Variants in PACRG observed in about 807,000 individuals in gnomAD.
PACRG encodes the protein parkin coregulated.
PACRG carries 29 observed loss-of-function variants against 29.7 expected under a neutral mutation model. The ratio of observed to expected loss-of-function variants is 0.98; its 90% CI spans 0.73 to 1.33. The LOEUF is 1.33. PACRG is among the 40% of genes most tolerant of loss of function. PACRG has a pLI of 0.00. For synonymous variants in PACRG, 116 were observed against 118.7 expected, an observed-to-expected ratio of 0.98 and a Z score of 0.15; for missense variants, 279 against 316.2, an observed-to-expected ratio of 0.88 and a Z score of 0.89.
intron 4 of PACRG, among the ~76,000 whole-genome samples, chr6:163,270,848 A>G (rs1012455059): frequency 5.3e-5 from 8 of 152,322 alleles, no homozygotes; most frequent in African/African-American, 1.9e-4. Flanking sequence ...ATCTTCTCCA[A>G]TAGAAAATGG....
chr6:163,141,212 A>G (rs1170638276), intron 4 of PACRG, among the ~76,000 whole-genome samples: 1 of 152,172 alleles, frequency 6.6e-6, no homozygotes, highest in Non-Finnish European at 1.5e-5. Context: ...TTTTACACAC[A>G]GTTAAGATAT....
chr6:162,872,516 A>G (rs1425559725), intron 2 of PACRG, among the ~76,000 whole-genome samples: 1 of 152,150 alleles, frequency 6.6e-6, no homozygotes, highest in Admixed American at 6.5e-5. Context: ...TCATTTCCAG[A>G]TTTTTCTTTC....
intron 4 of PACRG, among the ~76,000 whole-genome samples, chr6:163,159,766 A>G (rs1329806518): frequency 6.6e-6 from 1 of 152,104 alleles, no homozygotes; most frequent in Non-Finnish European, 1.5e-5. Flanking sequence ...CTAAAGGAAT[A>G]CCTCCCACAA....
At chr6:163,084,952 G>A (rs942536148) in intron 3 of PACRG, among the ~76,000 whole-genome samples, 4 of 149,450 alleles carry the variant, frequency 2.7e-5, no homozygotes, top group African/African-American at 4.9e-5. Flanking sequence ...CAGTAGATCA[G>A]CATACCCAGG....
At chr6:162,971,027 T>A (rs1801487350) in intron 2 of PACRG, among the ~76,000 whole-genome samples, 1 of 152,248 alleles carries the variant, frequency 6.6e-6, no homozygotes, top group South Asian at 2.1e-4. Flanking sequence ...AGATCCAGTC[T>A]CCACAGCTGT....
chr6:162,767,590 T>A (rs1782899221), intron 1 of PACRG, among the ~76,000 whole-genome samples: 1 of 151,868 alleles, frequency 6.6e-6, no homozygotes, highest in Non-Finnish European at 1.5e-5. Context: ...TAAGTTGGGT[T>A]TCATTTATCT....
chr6:163,277,612 T>G (rs1784088546), intron 4 of PACRG, among the ~76,000 whole-genome samples: 2 of 146,700 alleles, frequency 1.4e-5, no homozygotes, highest in Admixed American at 6.8e-5. Context: ...ACTTTGTCTA[T>G]ATATGTATAC....
intron 4 of PACRG, among the ~76,000 whole-genome samples, chr6:163,113,449 A>G (rs527455758): frequency 3.3e-5 from 5 of 152,336 alleles, no homozygotes; most frequent in African/African-American, 1.2e-4. Context: ...ACACTGAGAC[A>G]TATTATAATC....
At chr6:163,129,172 TGAG>T (rs986406816) in intron 4 of PACRG, among the ~76,000 whole-genome samples, 1 of 152,138 alleles carries the variant, frequency 6.6e-6, no homozygotes, top group African/African-American at 2.4e-5. Flanking sequence ...ATTCCTTAAA[TGAG>T]AATGGGGGGG....
intron 4 of PACRG, among the ~76,000 whole-genome samples, chr6:163,304,015 C>CAAAAAAAAAAAAA (rs59861286): frequency 8.3e-4 from 63 of 76,240 alleles, no homozygotes; most frequent in African/African-American, 1.3e-3. Flanking sequence ...GACTCCATTT[C>CAAAAAAAAAAAAA]AAAAAAAAAA....
chr6:163,304,015 C>CAAAAAA lies in PACRG; in HGVS notation c.614-10794_614-10789dup, dbSNP rs59861286. Among the ~76,000 whole-genome samples, 87 of 76,194 alleles carry CAAAAAA rather than the reference C, an allele frequency of 1.1e-3. 1 individual carries two copies. Among genetic ancestry groups the CAAAAAA allele is most frequent in the Middle Eastern group, 0.011 (1 of 92 alleles). The allele number at this position is 76,194 out of a possible 152,430, so 50.0% of individuals were successfully genotyped here. ...TGGGTGACAGAGCAAGACTCCATTT[C>CAAAAAA]AAAAAAAAAAAAAAAAAAAAAAAGT... is the stretch of plus-strand genomic sequence containing the variant. On this transcript the variant is annotated intron_variant, in intron 4 of 4. Transcript: ENST00000366888.
At chr6:162,962,193 G>A (rs144634392) in intron 2 of PACRG, among the ~76,000 whole-genome samples, 1 of 152,206 alleles carries the variant, frequency 6.6e-6, no homozygotes, top group East Asian at 1.9e-4. Flanking sequence ...CTCTGCCTCT[G>A]TACCAGGTTA....
chr6:162,988,748 G>T (rs1488910541), intron 2 of PACRG, among the ~76,000 whole-genome samples: 1 of 152,114 alleles, frequency 6.6e-6, no homozygotes, highest in Non-Finnish European at 1.5e-5. Flanking sequence ...ATAAACTATG[G>T]TGCAATCTCT....
chr6:163,190,014 C>G (rs1277256809), intron 4 of PACRG: 1 of 152,194 alleles, frequency 6.6e-6, no homozygotes, highest in Non-Finnish European at 1.5e-5. Flanking sequence ...ATCCAAAAAT[C>G]AGAAAAATTA....
chr6:163,219,009 G>A (rs1356412976), intron 4 of PACRG, among the ~76,000 whole-genome samples: 3 of 152,234 alleles, frequency 2.0e-5, no homozygotes, highest in Non-Finnish European at 4.4e-5. Context: ...CACAGTGCCT[G>A]TTCTGTCCAG....
intron 3 of PACRG, among the ~76,000 whole-genome samples, chr6:163,076,664 T>A (rs1812576279): frequency 6.6e-6 from 1 of 152,238 alleles, no homozygotes; most frequent in Non-Finnish European, 1.5e-5. Flanking sequence ...GCCAAACCGA[T>A]TGTGCCGTAG....
intron 2 of PACRG, among the ~76,000 whole-genome samples, chr6:162,935,389 ATTCT>A (rs1798159550): frequency 7.8e-6 from 1 of 128,034 alleles, no homozygotes; most frequent in African/African-American, 2.9e-5. Context: ...ATTCTGTTTT[ATTCT>A]TTTTTTTTTT....
At chr6:162,727,233 G>A (rs371602451), upstream of PACRG, 123 of 177,216 alleles carry the variant, frequency 6.9e-4, no homozygotes, top group East Asian at 9.0e-3. Context: ...GCCCCACAGA[G>A]AGTGGGTCTC....
chr6:162,947,403 AATC>A (rs1332052539), intron 2 of PACRG, among the ~76,000 whole-genome samples: 1 of 49,368 alleles, frequency 2.0e-5, no homozygotes, highest in African/African-American at 5.3e-5. Flanking sequence ...TATAATATAT[AATC>A]ATATATAATC....
Sources: allele counts gnomAD v4.1 joint callset (sites outside exome capture counted in the v4.1 genomes callset), GRCh38; gene constraint gnomAD v4.1.1; transcripts MANE v1.5; gene names NCBI Gene and HGNC (gene_info 2026-07-23, HGNC 2026-07-21).